SLC44A5: variants seen among roughly 807,000 people sequenced by gnomAD.
SLC44A5 encodes choline transporter-like protein 5.
Under a neutral mutation model 101.8 loss-of-function variants are expected in SLC44A5, and 57 were observed. The observed-to-expected ratio is 0.56, with a 90% CI of 0.45 to 0.70. The LOEUF (loss-of-function observed/expected upper bound fraction) is 0.70. Ranked by LOEUF, SLC44A5 falls within the 30% of genes least tolerant of loss-of-function variation. The probability of loss-of-function intolerance (pLI) is 0.00; values close to 1 mark genes in which losing one functional copy is unlikely to be tolerated. For missense variants in SLC44A5, 737 were observed against 853.1 expected, an observed-to-expected ratio of 0.86 and a Z score of 1.70; for synonymous variants, 281 against 290.9, an observed-to-expected ratio of 0.97 and a Z score of 0.35.
intron 4 of SLC44A5, among the ~76,000 whole-genome samples, chr1:75,336,412 C>G (rs1657447717): frequency 6.6e-6 from 1 of 152,152 alleles, no homozygotes; most frequent in Non-Finnish European, 1.5e-5. Context: ...CCTCAGCCTC[C>G]CAAAGTTCTG....
chr1:75,288,371 A>G (rs986741669), intron 5 of SLC44A5, among the ~76,000 whole-genome samples: 1 of 152,184 alleles, frequency 6.6e-6, no homozygotes, highest in African/African-American at 2.4e-5. Flanking sequence ...AGTAAACATG[A>G]AAAACTTTAT....
chr1:75,339,592 C>G lies in SLC44A5; in HGVS notation c.91G>C (p.Val31Leu). 6.2e-7 allele frequency: 1 copy of G among 1,609,232 alleles called. No homozygotes were observed. The highest frequency in any genetic ancestry group is 8.5e-7 in the Non-Finnish European group (1 of 1,177,444). The stretch of plus-strand genomic sequence containing the variant: ...AAAATAATTGCTTACCTGTTGGCAA[C>G]AGGCCCCTTGAAATCTGGGTCATAT... ...RTYDPDFKGP[V>L]ANRSCTDVLC... Residue 31 changes from valine (V) to leucine (L), a missense_variant, in exon 4 of 24, where the codon GTT becomes CTT. Physicochemically the swap from Val to Leu is conservative, Grantham distance 32 (BLOSUM62 1). Coordinates refer to ENST00000370859, the MANE Select transcript of SLC44A5 (RefSeq NM_001130058.2).
At chr1:75,401,696 C>G (rs1024731717) in intron 2 of SLC44A5, among the ~76,000 whole-genome samples, 4 of 152,102 alleles carry the variant, frequency 2.6e-5, no homozygotes, top group African/African-American at 9.7e-5. Flanking sequence ...AAGGCCCCAG[C>G]TGCTCCCCAT....
At chr1:75,500,120 C>A (rs1312029581) in intron 2 of SLC44A5, among the ~76,000 whole-genome samples, 1 of 152,174 alleles carries the variant, frequency 6.6e-6, no homozygotes, top group Non-Finnish European at 1.5e-5. Flanking sequence ...CCCTAACACA[C>A]AAGTATACCA....
At chr1:75,680,937 C>T in the SLC44A5 span, among the ~76,000 whole-genome samples, 1 of 150,000 alleles carries the variant, frequency 6.7e-6, no homozygotes, top group Non-Finnish European at 1.5e-5. Context: ...GATATCACCA[C>T]CGAACCCACA....
At chr1:75,289,772 T>C (rs999250231) in intron 5 of SLC44A5, among the ~76,000 whole-genome samples, 3 of 152,226 alleles carry the variant, frequency 2.0e-5, no homozygotes, top group Non-Finnish European at 4.4e-5. Flanking sequence ...TAAATTTTTC[T>C]GGTTGTCTAC....
At chr1:75,642,717 G>T in the SLC44A5 span, among the ~76,000 whole-genome samples, 1 of 151,944 alleles carries the variant, frequency 6.6e-6, no homozygotes, top group Non-Finnish European at 1.5e-5. Flanking sequence ...AGGAGGAGGA[G>T]CTTACTATAA....
In SLC44A5 at chr1:75,441,819, T is replaced by C. The variant is rs182434943; in HGVS notation, c.14-45198A>G. Among the ~76,000 whole-genome samples the C allele has an allele frequency of 2.3e-3, 348 of 152,220 alleles. 1 individual carries two copies. In the South Asian group the frequency reaches 0.023, roughly 10 times the overall value. On this transcript the variant is annotated intron_variant, in intron 2 of 23. Transcript: ENST00000370859. ...GATATATTACAAGATGTATATACTA[T>C]TAGATAGTGTATATTAGGAGATTTT...
chr1:75,556,230 C>T (rs1672209537), intron 1 of SLC44A5, among the ~76,000 whole-genome samples: 1 of 152,018 alleles, frequency 6.6e-6, no homozygotes, highest in Non-Finnish European at 1.5e-5. Flanking sequence ...CTACTGTGCC[C>T]TATGTTTGTT....
rs1272328480 is a variant in SLC44A5, at chr1:75,206,091, T to A, written c.2048-2258A>T. ...TGGACATGACTCACTGAAATATACTTCCTAGGGAACCATTAATACAAGTTT... is the reference window on the plus strand; with the variant it reads ...TGGACATGACTCACTGAAATATACTACCTAGGGAACCATTAATACAAGTTT... On this transcript the variant is annotated intron_variant, in intron 23 of 23. Coordinates refer to ENST00000370859, the MANE Select transcript of SLC44A5 (RefSeq NM_001130058.2). The A allele has an allele frequency of 2.0e-5, 3 of 152,706 alleles. No individual in the cohort carries two copies. The East Asian group carries it at 5.8e-4, about 29-fold the overall frequency. 9.5% of individuals were successfully genotyped at this position (152,706 alleles called of 1,614,324 possible). A position where few individuals can be genotyped will look rare whatever the true frequency, so the allele number is the denominator to read the frequency against.
intron 23 of SLC44A5, 28 bp from the exon 24 acceptor site, chr1:75,203,861 T>C: frequency 1.3e-6 from 2 of 1,532,176 alleles, no homozygotes; most frequent in Middle Eastern, 1.7e-4. Flanking sequence ...ACAGAGTAAA[T>C]ATCAAAGCAG....
Position 75,242,935 on chromosome 1 carries a change from T to C in SLC44A5, c.422A>G (p.Tyr141Cys). 1 of 1,612,592 alleles carries C rather than the reference T, an allele frequency of 6.2e-7. No individual in the cohort carries two copies. The highest frequency in any genetic ancestry group is 8.5e-7 in the Non-Finnish European group (1 of 1,179,198). ...ACAGAACTGACGGTAGTCTTCCCAG[T>C]AGCTTTTGTCTTTTGTGTACAAAAG... is the stretch of plus-strand genomic sequence containing the variant. ...MQLLYTKDKS[Y>C]WEDYRQFCKT... Residue 141 changes from tyrosine to cysteine, a missense_variant, in exon 8 of 24, where the codon TAC becomes TGC. Physicochemically the swap from Tyr to Cys is radical, Grantham distance 194. Around this residue, in one of 3 missense-constraint regions of SLC44A5, gnomAD observed 665 missense variants for 764.4 expected, o/e 0.87. Coordinates refer to ENST00000370859, the MANE Select transcript of SLC44A5 (RefSeq NM_001130058.2).
At chr1:75,436,930 C>T (rs755204803) in intron 2 of SLC44A5, among the ~76,000 whole-genome samples, 1 of 151,942 alleles carries the variant, frequency 6.6e-6, no homozygotes, top group African/African-American at 2.4e-5. Context: ...TAGGCCAACA[C>T]GAGGTTAGGA....
chr1:75,570,884 G>A (rs1673039077), intron 1 of SLC44A5, among the ~76,000 whole-genome samples: 1 of 152,222 alleles, frequency 6.6e-6, no homozygotes, highest in South Asian at 2.1e-4. Flanking sequence ...CTAGTAATTA[G>A]GGATTCTCAG....
intron 2 of SLC44A5, among the ~76,000 whole-genome samples, chr1:75,427,989 G>C (rs1357578170): frequency 6.6e-6 from 1 of 152,184 alleles, no homozygotes; most frequent in Non-Finnish European, 1.5e-5. Context: ...ACATACATTA[G>C]TGTATTTAAC....
intron 2 of SLC44A5, among the ~76,000 whole-genome samples, chr1:75,479,342 C>T (rs1432255075): frequency 1.3e-5 from 2 of 152,230 alleles, no homozygotes; most frequent in South Asian, 2.1e-4. Context: ...ATTAAAAGAA[C>T]TAGAAAAGCA....
the SLC44A5 span, among the ~76,000 whole-genome samples, chr1:75,636,554 T>G: frequency 2.0e-5 from 3 of 152,192 alleles, no homozygotes; most frequent in South Asian, 6.2e-4. Context: ...GTAAATGAAA[T>G]GGAGTGTATA....
intron 6 of SLC44A5, among the ~76,000 whole-genome samples, chr1:75,273,619 A>G (rs1338163028): frequency 1.3e-5 from 2 of 152,156 alleles, no homozygotes; most frequent in Non-Finnish European, 2.9e-5. Context: ...CTTTTTCTGC[A>G]TCTATTGAGA....
At chr1:75,625,921 G>A in the SLC44A5 span, among the ~76,000 whole-genome samples, 1 of 152,076 alleles carries the variant, frequency 6.6e-6, no homozygotes, top group South Asian at 2.1e-4. Context: ...TGTAGATATG[G>A]TGGCAAGAAG....
Sources: allele counts gnomAD v4.1 joint callset (sites outside exome capture counted in the v4.1 genomes callset), GRCh38; gene constraint gnomAD v4.1.1; regional missense constraint gnomAD v4.1.1; transcripts MANE v1.5; gene names NCBI Gene and HGNC (gene_info 2026-07-23, HGNC 2026-07-21).